SYNCRIP: variants seen among roughly 807,000 people sequenced by gnomAD.
SYNCRIP encodes the protein heterogeneous nuclear ribonucleoprotein Q.
In SYNCRIP, 9 loss-of-function variants were observed where a neutral mutation model predicts 68.9. The ratio of observed to expected loss-of-function variants is 0.13; its 90% CI spans 0.08 to 0.23. The LOEUF (loss-of-function observed/expected upper bound fraction) is 0.23, where lower values mean the gene tolerates loss of function less well. Ranked by LOEUF, SYNCRIP falls within the 10% of genes least tolerant of loss-of-function variation. The pLI is 1.00. For missense variants in SYNCRIP, 414 were observed against 770.6 expected (o/e 0.54, Z 5.48); for synonymous variants, 258 against 254.0 (o/e 1.02, Z -0.15).
intron 7 of SYNCRIP, among the ~76,000 whole-genome samples, chr6:85,623,263 T>C (rs1229553183): frequency 3.3e-5 from 5 of 151,994 alleles, no homozygotes; most frequent in Non-Finnish European, 2.9e-5. Flanking sequence ...ATGTTGACAA[T>C]ATATAAACTC....
At chr6:85,619,132 TA>T (rs1258443465) in intron 9 of SYNCRIP, 135 bp downstream of exon 9, 3 of 1,345,358 alleles carry the variant, frequency 2.2e-6, no homozygotes, top group African/African-American at 3.0e-5. Flanking sequence ...CCAACATCAC[TA>T]AAACCAAAAG....
rs552034671 is a variant in SYNCRIP, at chr6:85,615,633, T to G, written c.1281-286A>C. Among the ~76,000 whole-genome samples, 214 of 152,280 alleles carry G rather than the reference T, an allele frequency of 1.4e-3. 1 individual carries two copies. Among genetic ancestry groups the G allele is most frequent in the Middle Eastern group, 0.01 (3 of 294 alleles). On this transcript the variant is annotated intron_variant, in intron 10 of 10. Transcript: ENST00000369622. ...TAAACCTGTTACAGAATTTTTACAATTGATTTAGCTGTCAAATTTGCCACT... is the reference window on the plus strand; with the variant it reads ...TAAACCTGTTACAGAATTTTTACAAGTGATTTAGCTGTCAAATTTGCCACT...
intron 10 of SYNCRIP, among the ~76,000 whole-genome samples, chr6:85,617,013 AG>A (rs1389627253): frequency 6.6e-6 from 1 of 152,142 alleles, no homozygotes; most frequent in African/African-American, 2.4e-5. Context: ...ATAGTGGTTA[AG>A]AGGGAAAATT....
At chr6:85,636,856 C>T (rs1808517059) in intron 6 of SYNCRIP, 111 bp downstream of exon 6, 6 of 1,086,498 alleles carry the variant, frequency 5.5e-6, no homozygotes, top group East Asian at 5.0e-5. Context: ...AAAAACCTGC[C>T]TAAATCAGTA....
intron 4 of SYNCRIP, 140 bp from the exon 5 acceptor site, chr6:85,637,496 T>A: frequency 1.7e-6 from 1 of 592,110 alleles, no homozygotes; most frequent in South Asian, 2.3e-5. Context: ...GATGTCTGTT[T>A]TAAAATTTCC....
At chr6:85,641,768 A>T (rs879357324) in intron 1 of SYNCRIP, among the ~76,000 whole-genome samples, 4 of 152,182 alleles carry the variant, frequency 2.6e-5, no homozygotes, top group Non-Finnish European at 5.9e-5. Flanking sequence ...GCCCGTTCGG[A>T]AAATGAGGTG....
At chr6:85,608,588 A>C (rs1805003175) in exon 12 of SYNCRIP, 1 of 152,030 alleles carries the variant, frequency 6.6e-6, no homozygotes, top group Non-Finnish European at 1.5e-5. Flanking sequence ...GGAATGAAAT[A>C]AATATAAATT....
chr6:85,638,142 G>A (rs1050710612), intron 4 of SYNCRIP, among the ~76,000 whole-genome samples: 11 of 152,138 alleles, frequency 7.2e-5, no homozygotes, highest in Non-Finnish European at 1.2e-4. Context: ...GGGAGGCCAA[G>A]GCGGGTGGAT....
At chr6:85,637,471 TAA>T (rs35725606) in intron 4 of SYNCRIP, 115 bp from the exon 5 acceptor site, 322,571 of 663,098 alleles carry the variant, frequency 0.49, 82,591 homozygotes, top group African/African-American at 0.74. Context: ...TGTTCCCTTA[TAA>T]AAACAGGTTT....
At chr6:85,624,198 T>A in intron 6 of SYNCRIP, 86 bp from the exon 7 acceptor site, 2 of 1,361,288 alleles carry the variant, frequency 1.5e-6, no homozygotes, top group Admixed American at 2.1e-5. Flanking sequence ...GAGCAAATCA[T>A]CCTTTAAAAA....
At chr6:85,619,152 T>C in intron 9 of SYNCRIP, 116 bp downstream of exon 9, 1 of 1,438,586 alleles carries the variant, frequency 7.0e-7, no homozygotes, top group East Asian at 2.3e-5. Flanking sequence ...AGGTTTTAGT[T>C]TGAATGGATT....
exon 12 of SYNCRIP, chr6:85,608,550 C>T (rs1292930329): frequency 1.3e-5 from 2 of 151,832 alleles, no homozygotes; most frequent in East Asian, 3.8e-4. Context: ...AATCAAAGGG[C>T]CTGCAGACAG....
In SYNCRIP at chr6:85,622,626, A is replaced by G. The variant is rs1806538171; in HGVS notation, c.864T>C (p.Phe288=). 6.2e-7 allele frequency: 1 copy of G among 1,614,108 alleles called. No homozygotes were observed. Among genetic ancestry groups the G allele is most frequent in the African/African-American group, 1.3e-5 (1 of 74,932 alleles). Residue 288 remains phenylalanine (F), a synonymous_variant, in exon 8 of 11, where the codon TTT becomes TTC. Coordinates refer to ENST00000369622, the MANE Select transcript of SYNCRIP (RefSeq NM_006372.5). The part of the protein sequence containing the change: ...QPDDKKKNRG[F]CFLEYEDHKT... ...TGTGATCTTCATATTCAAGAAAGCA[A>G]AAGCCTCTGTTTTTTTTCTTGTCAT...
chr6:85,613,439 TGGA>T (rs1174022795), downstream of SYNCRIP, among the ~76,000 whole-genome samples: 1 of 152,198 alleles, frequency 6.6e-6, no homozygotes, highest in Non-Finnish European at 1.5e-5. Context: ...TCAAGGGTGA[TGGA>T]GGTTCAGAAG....
chr6:85,634,320 T>C (rs1335513030), intron 6 of SYNCRIP, among the ~76,000 whole-genome samples: 1 of 152,172 alleles, frequency 6.6e-6, no homozygotes, highest in African/African-American at 2.4e-5. Context: ...AAAACATCTA[T>C]AAATAAGTTA....
chr6:85,628,240 G>A (rs779216242), intron 6 of SYNCRIP, among the ~76,000 whole-genome samples: 4 of 152,102 alleles, frequency 2.6e-5, no homozygotes, highest in Non-Finnish European at 5.9e-5. Flanking sequence ...ATTTTTAGTA[G>A]AGACAGGGTT....
At chr6:85,630,846 T>C (rs528312427) in intron 6 of SYNCRIP, among the ~76,000 whole-genome samples, 1 of 152,366 alleles carries the variant, frequency 6.6e-6, no homozygotes, top group South Asian at 2.1e-4. Context: ...GGAAAAGACA[T>C]GTAAATAATT....
At chr6:85,623,562 C>CAAAAAAAAAAAAAAAAAAAA (rs67258131) in intron 7 of SYNCRIP, among the ~76,000 whole-genome samples, 28 of 63,252 alleles carry the variant, frequency 4.4e-4, no homozygotes, top group African/African-American at 1.7e-3. Context: ...AGACTGTCTC[C>CAAAAAAAAAAAAAAAAAAAA]AAAAAAAAAA....
chr6:85,638,628 A>T (rs574418254), intron 4 of SYNCRIP, among the ~76,000 whole-genome samples: 1 of 152,316 alleles, frequency 6.6e-6, no homozygotes, highest in African/African-American at 2.4e-5. Flanking sequence ...ACAGATTTTT[A>T]ACATTTTCTA....
Sources: allele counts gnomAD v4.1 joint callset (sites outside exome capture counted in the v4.1 genomes callset), GRCh38; gene constraint gnomAD v4.1.1; transcripts MANE v1.5; gene names NCBI Gene and HGNC (gene_info 2026-07-23, HGNC 2026-07-21).